Variants in AGL observed in about 807,000 individuals in gnomAD.
The protein encoded by AGL is glycogen debranching enzyme.
A neutral mutation model predicts 199.3 loss-of-function variants in AGL; 128 were observed. The ratio of observed to expected loss-of-function variants is 0.64; its 90% CI spans 0.56 to 0.74. The LOEUF (loss-of-function observed/expected upper bound fraction) is 0.74. Among genes scored for constraint, AGL ranks in the 30% least tolerant of loss-of-function variants. The pLI is 0.00. For missense variants in AGL, 1,809 were observed against 1,820.8 expected (o/e 0.99, Z 0.12); for synonymous variants, 584 against 594.7 (o/e 0.98, Z 0.26).
intron 28 of AGL, among the ~76,000 whole-genome samples, chr1:99,911,812 C>T (rs549786296): frequency 3.3e-4 from 50 of 152,082 alleles, no homozygotes; most frequent in African/African-American, 7.7e-4. Flanking sequence ...TGGTAGCTGA[C>T]GTCTGTAATC....
chr1:99,863,753 T>C (rs1571231011), intron 4 of AGL, among the ~76,000 whole-genome samples: 1 of 149,998 alleles, frequency 6.7e-6, no homozygotes, highest in African/African-American at 2.5e-5. Context: ...CTGGCCTTTT[T>C]TTTTTTTTTT....
intron 5 of AGL, among the ~76,000 whole-genome samples, chr1:99,867,547 T>C (rs1012134956): frequency 3.3e-5 from 5 of 152,194 alleles, no homozygotes; most frequent in African/African-American, 9.6e-5. Flanking sequence ...TTCTTTTTTT[T>C]TAATTTTTTT....
At chr1:99,881,513 T>C in intron 16 of AGL, 28 bp from the exon 17 acceptor site, 1 of 1,614,060 alleles carries the variant, frequency 6.2e-7, no homozygotes, top group African/African-American at 1.3e-5. Flanking sequence ...GTTTGAGAGC[T>C]AATCTAGTTG....
chr1:99,859,501 C>T (rs1476841754), intron 2 of AGL, among the ~76,000 whole-genome samples: 1 of 152,046 alleles, frequency 6.6e-6, no homozygotes, highest in Non-Finnish European at 1.5e-5. Flanking sequence ...ATTTTAAAAG[C>T]TCTACATAAA....
intron 33 of AGL, among the ~76,000 whole-genome samples, chr1:99,917,554 T>C (rs957839046): frequency 6.6e-6 from 1 of 152,214 alleles, no homozygotes; most frequent in Admixed American, 6.5e-5. Context: ...CCATTTACAC[T>C]TAAGGTCTGA....
In AGL at chr1:99,903,355, A is replaced by T. The variant is rs139311030; in HGVS notation, c.3700+561A>T. ...CCGTGTCCAAGTATTCTCATTGTTC[A>T]GTTCCCATCTATGAGTGAGAACATG... On this transcript the variant is annotated intron_variant, in intron 27 of 33. Coordinates refer to ENST00000361915, the MANE Select transcript of AGL (RefSeq NM_000642.3). Among the ~76,000 whole-genome samples the T allele has an allele frequency of 2.2e-4, 33 of 151,802 alleles. No individual in the cohort carries two copies. The East Asian group carries it at 6.2e-3, about 29-fold the overall frequency.
chr1:99,867,559 T>TC (rs1184184478), intron 5 of AGL, among the ~76,000 whole-genome samples: 1 of 151,848 alleles, frequency 6.6e-6, no homozygotes, highest in African/African-American at 2.4e-5. Context: ...AATTTTTTTT[T>TC]CTCTTTTTTT....
At chr1:99,852,558 TAGAAACTGGGTCTCACTA>T in intron 2 of AGL, 1 of 603,428 alleles carries the variant, frequency 1.7e-6, no homozygotes, top group East Asian at 2.8e-5. Context: ...TTTTTTTTTG[TAGAAACTGGGTCTCACTA>T]TGTTGCCCAG....
rs566536762 is a variant in AGL at position 99,916,662 on chromosome 1, C to T, written c.4412C>T (p.Pro1471Leu). Residue 1471 changes from proline (P) to leucine (L), a missense_variant, in exon 33 of 34, where the codon CCG becomes CTG. Pro to Leu is a moderately conservative substitution (Grantham distance 98). Coordinates refer to ENST00000361915, the MANE Select transcript of AGL (RefSeq NM_000642.3). Reference protein sequence around the residue: ...AKLYFSRLMGPETTAKTIVLV... With the variant: ...AKLYFSRLMGLETTAKTIVLV... ...TTATATTTTTCCAGATTGATGGGCC[C>T]GGAGACTACTGCAAAGACTATAGTT... The T allele has an allele frequency of 8.1e-6, 13 of 1,612,792 alleles. No homozygotes were observed. The highest frequency in any genetic ancestry group is 1.7e-4 in the Middle Eastern group (1 of 6,056).
chr1:99,877,753 C>T lies in AGL; in HGVS notation c.1536C>T (p.Tyr512=). 6.2e-7 allele frequency: 1 copy of T among 1,614,046 alleles called. No homozygotes were observed. The highest frequency in any genetic ancestry group is 1.7e-4 in the Middle Eastern group (1 of 6,058). The part of the protein sequence containing the change: ...CPYLWAHMKK[Y]TEITATYFQG... ...ATCTCTGGGCACACATGAAAAAATA[C>T]ACTGAAATAACTGCAACTTATTTCC... Residue 512 remains tyrosine, a synonymous_variant, in exon 12 of 34, where the codon TAC becomes TAT. Coordinates refer to ENST00000361915, the MANE Select transcript of AGL (RefSeq NM_000642.3).
intron 28 of AGL, 96 bp from the exon 29 acceptor site, chr1:99,912,309 T>C: frequency 2.3e-6 from 2 of 876,258 alleles, no homozygotes; most frequent in Admixed American, 2.2e-5. Flanking sequence ...TTTCATAATA[T>C]GTTATATGAT....
rs2101112469 is a variant in AGL, at chr1:99,870,537, GAA to G, written c.805_806del (p.Lys269GlyfsTer7). ...TGATGTTGCAGAAGGGAAATACAAA[GAA>G]AAGGGAATACCTGCTTTGATTGAAA... ...SCDVAEGKYK[E>X]KGIPALIEND... On this transcript the variant is annotated frameshift_variant, in exon 6 of 34. Coordinates refer to ENST00000361915, the MANE Select transcript of AGL (RefSeq NM_000642.3). LOFTEE classifies it high-confidence loss of function. 1 of 1,613,990 alleles carries G rather than the reference GAA, an allele frequency of 6.2e-7. No individual in the cohort carries two copies. Among genetic ancestry groups the G allele is most frequent in the East Asian group, 2.2e-5 (1 of 44,846 alleles).
intron 17 of AGL, 112 bp downstream of exon 17, chr1:99,881,803 CT>C: frequency 2.9e-6 from 3 of 1,027,582 alleles, no homozygotes; most frequent in South Asian, 2.0e-5. Flanking sequence ...TAACACAGTG[CT>C]ACTGTGGACG....
At position 99,890,250 on chromosome 1, in the gene AGL, T is replaced by A. The variant is rs544563827; in HGVS notation, c.2813-970T>A. Among the ~76,000 whole-genome samples, 3 of 152,330 alleles carry A rather than the reference T, an allele frequency of 2.0e-5. No individual in the cohort carries two copies. In the South Asian group the frequency reaches 6.2e-4, roughly 32 times the overall value. The stretch of plus-strand genomic sequence containing the variant: ...TTCCATTCCGTTGGTCATCATCAGA[T>A]CTGTTTCTAAAACACTGTTTTCCTT... On this transcript the variant is annotated intron_variant, in intron 21 of 33. Coordinates refer to ENST00000361915, the MANE Select transcript of AGL (RefSeq NM_000642.3).
intron 21 of AGL, among the ~76,000 whole-genome samples, chr1:99,888,968 G>A (rs151252959): frequency 4.5e-4 from 68 of 152,168 alleles, no homozygotes; most frequent in African/African-American, 1.5e-3. Context: ...TATTTTGATA[G>A]TTAGTATAAT....
At position 99,910,730 on chromosome 1, in the gene AGL, G is replaced by T. The variant is rs1402686037; in HGVS notation, c.3719G>T (p.Gly1240Val). ...MKDEGFNITAGVDEETGFVYG... is the reference protein window; with the variant it reads ...MKDEGFNITAVVDEETGFVYG... The stretch of plus-strand genomic sequence containing the variant: ...TTTTTAGGTTTTAATATAACTGCAG[G>T]AGTTGATGAAGAAACAGGATTTGTT... Residue 1240 changes from glycine (G) to valine (V), a missense_variant, in exon 28 of 34, where the codon GGA (glycine) becomes GTA (valine). Physicochemically the swap from Gly to Val is moderately radical, Grantham distance 109. Transcript: ENST00000361915. The T allele has an allele frequency of 1.2e-6, 2 of 1,606,304 alleles. No individual in the cohort carries two copies. Among genetic ancestry groups the T allele is most frequent in the African/African-American group, 2.7e-5 (2 of 74,652 alleles).
At chr1:99,910,583 C>T (rs1189680318) in intron 27 of AGL, 129 bp from the exon 28 acceptor site, 3 of 365,240 alleles carry the variant, frequency 8.2e-6, no homozygotes, top group East Asian at 6.6e-5. Context: ...AATAAGATAC[C>T]ACCAAACTGA....
rs1281888270 is a variant in AGL, at chr1:99,921,575, C to G, written c.4523C>G (p.Ala1508Gly). ...CTTCCAGAACTGACCAATGAGAATG[C>G]CCAGTACTGTCCTTTCAGCTGTGAA... Reference protein sequence around the residue: ...KGLPELTNENAQYCPFSCETQ... With the variant: ...KGLPELTNENGQYCPFSCETQ... The change falls in exon 34 of 34, where the codon GCC (alanine) becomes GGC (glycine). Residue 1508 changes from alanine (A) to glycine (G), a missense_variant. Transcript: ENST00000361915. 5 of 1,612,826 alleles carry G rather than the reference C, an allele frequency of 3.1e-6. No individual in the cohort carries two copies. The highest frequency in any genetic ancestry group is 4.2e-6 in the Non-Finnish European group (5 of 1,179,308).
At chr1:99,900,526 G>A in intron 25 of AGL, 110 bp from the exon 26 acceptor site, 1 of 977,740 alleles carries the variant, frequency 1.0e-6, no homozygotes, top group Non-Finnish European at 1.6e-6. Flanking sequence ...AAAGAAATAG[G>A]GCAAGAGAGA....
Sources: gnomAD v4.1 joint callset for allele counts (sites outside exome capture counted in the v4.1 genomes callset) on GRCh38, gnomAD v4.1.1 for gene constraint, MANE v1.5 for transcripts, NCBI Gene and HGNC (gene_info 2026-07-23, HGNC 2026-07-21) for gene names.